Variants in LMNA observed in about 807,000 individuals in gnomAD.
LMNA encodes the protein lamin.
A neutral mutation model predicts 70.4 loss-of-function variants in LMNA; 20 were observed. That is an observed-to-expected ratio of 0.28 (90% CI 0.20 to 0.41). The LOEUF is 0.41. Among genes scored for constraint, LMNA ranks in the 10% least tolerant of loss-of-function variants. LMNA has a pLI of 1.00. For synonymous variants in LMNA, 339 were observed against 372.8 expected, an observed-to-expected ratio of 0.91 and a Z score of 1.04; for missense variants, 652 against 917.2, an observed-to-expected ratio of 0.71 and a Z score of 3.73.
At position 156,137,308 on chromosome 1, in the gene LMNA, A is replaced by T; in HGVS notation, c.1608+76A>T. On this transcript the variant is annotated intron_variant, in intron 9 of 11. Coordinates refer to ENST00000368300, the MANE Select transcript of LMNA (RefSeq NM_170707.4). The surrounding 1 kb of genome is among the most constrained non-coding windows in gnomAD (Gnocchi z 4.6). ...CCAACATCGGAGCCAGCTGCCCCCA[A>T]CCCAAGTTTGCCAATTCAGGGCCCC... 2 of 1,532,006 alleles carry T rather than the reference A, an allele frequency of 1.3e-6. No individual in the cohort carries two copies. Among genetic ancestry groups the T allele is most frequent in the South Asian group, 2.4e-5 (2 of 83,486 alleles). 94.9% of individuals were successfully genotyped at this position (1,532,006 alleles called of 1,614,324 possible).
rs1251096226 is a variant in LMNA at position 156,114,865 on chromosome 1, C to T, written c.-54C>T. 1.5e-6 allele frequency: 2 copies of T among 1,293,428 alleles called. No homozygotes were observed. Among genetic ancestry groups the T allele is most frequent in the East Asian group, 2.5e-5 (1 of 39,300 alleles). 80.1% of individuals were successfully genotyped at this position (1,293,428 alleles called of 1,614,324 possible). On this transcript the variant is annotated 5_prime_UTR_variant, in exon 1 of 12. Coordinates refer to ENST00000368300, the MANE Select transcript of LMNA (RefSeq NM_170707.4). ...CAGTCTCTGTCCTTCGACCCGAGCCCCGCGCCCTTTCCGGGACCCCTGCCC... is the reference window on the plus strand; with the variant it reads ...CAGTCTCTGTCCTTCGACCCGAGCCTCGCGCCCTTTCCGGGACCCCTGCCC...
rs866252858 is a variant in LMNA, at chr1:156,137,541, A to C, written c.1609-113A>C. 2.0e-6 allele frequency: 2 copies of C among 988,094 alleles called. No homozygotes were observed. The highest frequency in any genetic ancestry group is 4.0e-5 in the Admixed American group (2 of 50,330). 61.2% of individuals were successfully genotyped at this position (988,094 alleles called of 1,614,324 possible). A position where few individuals can be genotyped will look rare whatever the true frequency, so the allele number is the denominator to read the frequency against. On this transcript the variant is annotated intron_variant, in intron 9 of 11. Coordinates refer to ENST00000368300, the MANE Select transcript of LMNA (RefSeq NM_170707.4). This position sits in a 1 kb window ranked among gnomAD's most constrained non-coding sequence, Gnocchi z 4.6. ...CACCACAGAGGACAGAGTAAGCAGC[A>C]GGCCGGACAAAGGGCAGGCCACAAG...
chr1:156,114,017 A>G (rs1649639833), upstream of LMNA, among the ~76,000 whole-genome samples: 2 of 152,054 alleles, frequency 1.3e-5, no homozygotes, highest in Non-Finnish European at 2.9e-5. Context: ...CTAAAAACGA[A>G]TGCTTGGCTT....
upstream of LMNA, among the ~76,000 whole-genome samples, chr1:156,110,975 C>A (rs372493825): frequency 6.6e-6 from 1 of 151,296 alleles, no homozygotes; most frequent in Admixed American, 6.6e-5. Flanking sequence ...GACTCCAACT[C>A]AAAAAAAATT....
Position 156,138,541 on chromosome 1 carries a change from C to T in LMNA, c.1752C>T (p.Arg584=). ...GDPAEYNLRS[R]TVLCGTCGQP... is the part of the protein sequence containing the mutation. ...CCGCTGAGTACAACCTGCGCTCGCG[C>T]ACCGTGCTGTGCGGGACCTGCGGGC... is the stretch of plus-strand genomic sequence containing the variant. Residue 584 remains arginine (R), a synonymous_variant, in exon 11 of 12, where the codon CGC becomes CGT. Coordinates refer to ENST00000368300, the MANE Select transcript of LMNA (RefSeq NM_170707.4). This position sits in a 1 kb window ranked among gnomAD's most constrained non-coding sequence, Gnocchi z 5.5. 1.2e-6 allele frequency: 2 copies of T among 1,612,638 alleles called. No individual in the cohort carries two copies. Among genetic ancestry groups the T allele is most frequent in the Non-Finnish European group, 1.7e-6 (2 of 1,179,780 alleles).
At chr1:156,097,164 AAATC>A (rs777154184) in intron 3 of LMNA, among the ~76,000 whole-genome samples, 3 of 152,210 alleles carry the variant, frequency 2.0e-5, no homozygotes, top group Non-Finnish European at 2.9e-5. Flanking sequence ...AGCTGCGGTG[AAATC>A]AATCAGTGAG....
chr1:156,127,022 C>T, intron 1 of LMNA: 1 of 1,141,546 alleles, frequency 8.8e-7, no homozygotes, highest in African/African-American at 1.6e-5. Flanking sequence ...TGGCCTGCCC[C>T]ACCCTGTCCT....
At chr1:156,102,594 A>T (rs1357586152) in intron 3 of LMNA, among the ~76,000 whole-genome samples, 3 of 152,120 alleles carry the variant, frequency 2.0e-5, no homozygotes, top group Non-Finnish European at 4.4e-5. Flanking sequence ...GCCGCAGCCC[A>T]GTCTGCCCTG....
rs760388350 is a variant in LMNA at position 156,134,857 on chromosome 1, A to G, written c.692A>G (p.Asn231Ser). 13 of 1,614,074 alleles carry G rather than the reference A, an allele frequency of 8.1e-6. No homozygotes were observed. Among genetic ancestry groups the G allele is most frequent in the African/African-American group, 4.0e-5 (3 of 74,936 alleles). The change falls in exon 4 of 12, where the codon AAT becomes AGT. Residue 231 changes from asparagine (N) to serine (S), a missense_variant. By Grantham distance (46) the Asn-to-Ser change is conservative (BLOSUM62 1). Around this residue, in one of 4 missense-constraint regions of LMNA, gnomAD observed 254 missense variants for 421.9 expected, o/e 0.60. Transcript: ENST00000368300. The surrounding 1 kb of genome is among the most constrained non-coding windows in gnomAD (Gnocchi z 5.3). Reference protein sequence around the residue: ...RHETRLVEIDNGKQREFESRL... With the variant: ...RHETRLVEIDSGKQREFESRL... ...GAGACCCGACTGGTGGAGATTGACA[A>G]TGGGAAGCAGCGTGAGTTTGAGAGC...
At chr1:156,121,896 T>A (rs895551501) in intron 1 of LMNA, among the ~76,000 whole-genome samples, 2 of 152,132 alleles carry the variant, frequency 1.3e-5, no homozygotes, top group Non-Finnish European at 1.5e-5. Context: ...GGCTCACGCC[T>A]GTAATCCCAG....
At chr1:156,122,884 C>T (rs546868284) in intron 1 of LMNA, among the ~76,000 whole-genome samples, 2 of 152,176 alleles carry the variant, frequency 1.3e-5, no homozygotes, top group Non-Finnish European at 2.9e-5. Flanking sequence ...CCCTACCAAT[C>T]CCTTAAGGAA....
At chr1:156,085,264 G>T (rs890067853) in intron 2 of LMNA, among the ~76,000 whole-genome samples, 1 of 152,220 alleles carries the variant, frequency 6.6e-6, no homozygotes, top group Non-Finnish European at 1.5e-5. Flanking sequence ...GGCACCTTGA[G>T]GAGCTGGATT....
At chr1:156,123,343 G>C (rs1405315891) in intron 1 of LMNA, 2 of 152,160 alleles carry the variant, frequency 1.3e-5, no homozygotes, top group Non-Finnish European at 2.9e-5. Flanking sequence ...GGCTAGGAGA[G>C]AGCTGTGTCT....
At chr1:156,090,350 T>G (rs1648649495) in intron 2 of LMNA, 1 of 152,168 alleles carries the variant, frequency 6.6e-6, no homozygotes, top group Non-Finnish European at 1.5e-5. Flanking sequence ...CCCTTCTGCT[T>G]TCTGATCTGT....
intron 2 of LMNA, among the ~76,000 whole-genome samples, chr1:156,084,461 G>A (rs540617936): frequency 6.6e-6 from 1 of 151,982 alleles, no homozygotes; most frequent in Non-Finnish European, 1.5e-5. Context: ...CCCTGGACTG[G>A]GGATTTAACA....
intron 2 of LMNA, among the ~76,000 whole-genome samples, chr1:156,084,470 C>T (rs920916440): frequency 6.6e-5 from 10 of 151,916 alleles, no homozygotes; most frequent in African/African-American, 2.4e-4. Context: ...GGGGATTTAA[C>T]ATAAGATCAA....
At chr1:156,125,957 A>G (rs1399606202) in intron 1 of LMNA, among the ~76,000 whole-genome samples, 1 of 152,140 alleles carries the variant, frequency 6.6e-6, no homozygotes, top group African/African-American at 2.4e-5. Context: ...CGACAGAATG[A>G]GACTCCACCT....
At chr1:156,089,579 G>A (rs1648613816) in intron 2 of LMNA, among the ~76,000 whole-genome samples, 1 of 143,110 alleles carries the variant, frequency 7.0e-6, no homozygotes, top group African/African-American at 2.6e-5. Context: ...GGCAGCAAGA[G>A]CCAAACTCCG....
At chr1:156,116,221 T>A (rs1296889670) in intron 1 of LMNA, among the ~76,000 whole-genome samples, 1 of 152,200 alleles carries the variant, frequency 6.6e-6, no homozygotes, top group East Asian at 1.9e-4. Flanking sequence ...CTCGGGCCCA[T>A]CCTCTTAGCT....
Sources: allele counts gnomAD v4.1 joint callset (sites outside exome capture counted in the v4.1 genomes callset), GRCh38; gene constraint gnomAD v4.1.1; regional missense constraint gnomAD v4.1.1; non-coding constraint Gnocchi (gnomAD v3.1); transcripts MANE v1.5; gene names NCBI Gene and HGNC (gene_info 2026-07-23, HGNC 2026-07-21).